RGS17: variants seen among roughly 807,000 people sequenced by gnomAD.
RGS17 encodes the protein regulator of G-protein signaling 17.
In RGS17, 12 loss-of-function variants were observed where a neutral mutation model predicts 25.5. The observed-to-expected ratio is 0.47, with a 90% confidence interval of 0.30 to 0.76. The LOEUF (loss-of-function observed/expected upper bound fraction) is 0.76. Ranked by LOEUF, RGS17 falls within the 30% of genes least tolerant of loss-of-function variation. RGS17 has a pLI of 0.07. For missense variants in RGS17, 196 were observed against 242.2 expected (o/e 0.81, Z 1.27); for synonymous variants, 71 against 76.9 (o/e 0.92, Z 0.40).
At position 153,006,554 on chromosome 6, in the gene RGS17, T is replaced by A. The variant is rs1039836043; in HGVS notation, c.*5020A>T. ...GAGAAAAGCAGTAACACTGATATAG[T>A]GTTCCATCTTAAAACATGATTGTAT... On this transcript the variant is annotated 3_prime_UTR_variant, in exon 5 of 5. Transcript: ENST00000206262. 6.6e-6 allele frequency: 1 copy of A among 152,564 alleles called. No individual in the cohort carries two copies. The highest frequency in any genetic ancestry group is 2.4e-5 in the African/African-American group (1 of 41,442). The allele number at this position is 152,564 out of a possible 1,614,324, so 9.5% of individuals were successfully genotyped here.
intron 3 of RGS17, among the ~76,000 whole-genome samples, chr6:153,025,911 C>A (rs113002915): frequency 1.2e-4 from 18 of 151,246 alleles, no homozygotes; most frequent in Admixed American, 2.0e-4. Flanking sequence ...CATGAAGCAT[C>A]ATTAAAACCT....
intron 1 of RGS17, among the ~76,000 whole-genome samples, chr6:153,129,612 G>A (rs930135179): frequency 2.6e-5 from 4 of 152,316 alleles, no homozygotes; most frequent in Middle Eastern, 3.4e-3. Context: ...CGCCGGAAAT[G>A]CAGATGGCAC....
In RGS17 at chr6:153,023,921, T is replaced by A. The variant is rs560055118; in HGVS notation, c.444+341A>T. Among the ~76,000 whole-genome samples, 146 of 152,314 alleles carry A rather than the reference T, an allele frequency of 9.6e-4. 3 individuals carry two copies. In the South Asian group the frequency reaches 0.029, roughly 30 times the overall value. On this transcript the variant is annotated intron_variant, in intron 4 of 4. Transcript: ENST00000206262. ...CTCCAGGTGATTCTCATTCACATGA[T>A]CTAGGGGTCATGCTTTGCGAAATAC...
In RGS17 at chr6:153,024,471, A is replaced by C. The variant is rs752350511; in HGVS notation, c.235T>G (p.Leu79Val). 4.3e-6 allele frequency: 7 copies of C among 1,614,160 alleles called. No homozygotes were observed. The highest frequency in any genetic ancestry group is 5.9e-6 in the Non-Finnish European group (7 of 1,180,002). ...ECQNPTAEEVLSWSQNFDKMM... is the reference protein window; with the variant it reads ...ECQNPTAEEVVSWSQNFDKMM... ...TTGTCAAAATTTTGAGACCAGGACA[A>C]GACTTCCTCTGCAGTGGGGTTTTGG... The change falls in exon 4 of 5, where the codon TTG becomes GTG. Residue 79 changes from leucine (L) to valine (V), a missense_variant. Leu to Val is a conservative substitution (Grantham distance 32). Coordinates refer to ENST00000206262, the MANE Select transcript of RGS17 (RefSeq NM_012419.5).
At chr6:153,020,111 A>AATATATATAT (rs1779227259) in intron 4 of RGS17, among the ~76,000 whole-genome samples, 9 of 58,454 alleles carry the variant, frequency 1.5e-4, no homozygotes, top group East Asian at 8.8e-4. Flanking sequence ...AAAAAAAAAA[A>AATATATATAT]ATATATATAT....
chr6:153,021,078 C>T (rs1779243512), intron 4 of RGS17, among the ~76,000 whole-genome samples: 1 of 152,152 alleles, frequency 6.6e-6, no homozygotes, highest in Non-Finnish European at 1.5e-5. Context: ...CTTACAGTTG[C>T]CATTATGCAT....
chr6:153,110,804 G>C (rs768589271), intron 1 of RGS17, among the ~76,000 whole-genome samples: 1 of 152,184 alleles, frequency 6.6e-6, no homozygotes, highest in African/African-American at 2.4e-5. Context: ...AAGCAGGATA[G>C]GGCATCGTCT....
chr6:153,028,233 G>A lies in RGS17; in HGVS notation c.120-1690C>T, dbSNP rs540061055. On this transcript the variant is annotated intron_variant, in intron 2 of 4. Transcript: ENST00000206262. ...GGACAGGGGCAGGTTTATTGGTGTC[G>A]AACCATGGAGGGAAAGGTAATGTAG... 8.1e-4 allele frequency among the ~76,000 whole-genome samples: 124 copies of A among 152,262 alleles called. 1 individual carries two copies. Among genetic ancestry groups the A allele is most frequent in the African/African-American group, 2.4e-3 (100 of 41,544 alleles).
intron 1 of RGS17, among the ~76,000 whole-genome samples, chr6:153,101,527 A>C (rs1777303225): frequency 6.6e-6 from 1 of 152,214 alleles, no homozygotes; most frequent in South Asian, 2.1e-4. Flanking sequence ...CCTTCATAAA[A>C]TGGAACTGGA....
At chr6:153,018,736 C>T (rs1779209939) in intron 4 of RGS17, among the ~76,000 whole-genome samples, 1 of 152,208 alleles carries the variant, frequency 6.6e-6, no homozygotes, top group Non-Finnish European at 1.5e-5. Flanking sequence ...AGGGATCGGC[C>T]AGTGTCTCTT....
Position 153,025,377 on chromosome 6 carries a change from TATC to T in RGS17, c.210-884_210-882del, listed in dbSNP as rs555914662. 1.1e-4 allele frequency among the ~76,000 whole-genome samples: 16 copies of T among 152,066 alleles called. No individual in the cohort carries two copies. The East Asian group carries it at 2.5e-3, about 24-fold the overall frequency. ...ACGAATTGTTAGTCATGAATGGAGT[TATC>T]ATAATTGGAAGCAGAGTGCTTCTAT... is the stretch of plus-strand genomic sequence containing the variant. On this transcript the variant is annotated intron_variant, in intron 3 of 4. Transcript: ENST00000206262.
At chr6:153,095,897 T>G (rs560543236) in intron 1 of RGS17, among the ~76,000 whole-genome samples, 2 of 152,288 alleles carry the variant, frequency 1.3e-5, no homozygotes, top group Non-Finnish European at 2.9e-5. Flanking sequence ...TTGTCTGTAG[T>G]GTTATAATAC....
rs1446845493 is a variant in RGS17, at chr6:153,008,289, A to G, written c.*3285T>C. 3 of 151,902 alleles carry G rather than the reference A, an allele frequency of 2.0e-5. No individual in the cohort carries two copies. Among genetic ancestry groups the G allele is most frequent in the Non-Finnish European group, 4.4e-5 (3 of 68,012 alleles). The allele number at this position is 151,902 out of a possible 1,614,324, so 9.4% of individuals were successfully genotyped here. On this transcript the variant is annotated 3_prime_UTR_variant, in exon 5 of 5. Coordinates refer to ENST00000206262, the MANE Select transcript of RGS17 (RefSeq NM_012419.5). ...ATAAACATCCATGCACTAAGACGGC[A>G]TATCAGAACTGGTCATTCTATGTAC...
At chr6:153,095,407 A>G (rs769452522) in intron 1 of RGS17, among the ~76,000 whole-genome samples, 2 of 152,142 alleles carry the variant, frequency 1.3e-5, no homozygotes, top group Non-Finnish European at 1.5e-5. Flanking sequence ...TATGTTCACA[A>G]TTTAAAATGT....
chr6:153,117,739 C>A (rs1211293118), intron 1 of RGS17, among the ~76,000 whole-genome samples: 1 of 152,140 alleles, frequency 6.6e-6, no homozygotes, highest in East Asian at 1.9e-4. Flanking sequence ...ACTCCATGCC[C>A]AATACTACCA....
chr6:153,126,057 T>A (rs1777699205), intron 1 of RGS17, among the ~76,000 whole-genome samples: 1 of 152,204 alleles, frequency 6.6e-6, no homozygotes, highest in Non-Finnish European at 1.5e-5. Context: ...ATTCTTACTT[T>A]TAACATGTGT....
intron 1 of RGS17, among the ~76,000 whole-genome samples, chr6:153,126,262 C>T (rs73627268): frequency 6.6e-6 from 1 of 152,154 alleles, no homozygotes; most frequent in Admixed American, 6.5e-5. Context: ...TGGCAACTGG[C>T]AGAAACAATC....
At chr6:153,012,927 A>G (rs1031373671) in intron 4 of RGS17, among the ~76,000 whole-genome samples, 2 of 152,096 alleles carry the variant, frequency 1.3e-5, no homozygotes, top group African/African-American at 4.8e-5. Context: ...TGACCTCAAC[A>G]GACCACGTGG....
At chr6:153,071,239 C>A (rs988025312) in intron 1 of RGS17, among the ~76,000 whole-genome samples, 2 of 151,050 alleles carry the variant, frequency 1.3e-5, no homozygotes, top group Admixed American at 1.3e-4. Context: ...CACACATACA[C>A]ATAAACTATA....
Sources: gnomAD v4.1 joint callset for allele counts (sites outside exome capture counted in the v4.1 genomes callset) on GRCh38, gnomAD v4.1.1 for gene constraint, MANE v1.5 for transcripts, NCBI Gene and HGNC (gene_info 2026-07-23, HGNC 2026-07-21) for gene names.